KNL1: variants seen among roughly 807,000 people sequenced by gnomAD.
KNL1 encodes kinetochore scaffold 1, also known as outer kinetochore KNL1 complex subunit KNL1.
In KNL1, 66 loss-of-function variants were observed where a neutral mutation model predicts 201.3. The observed-to-expected ratio is 0.33, with a 90% confidence interval of 0.27 to 0.40. The LOEUF is 0.40. Among genes scored for constraint, KNL1 ranks in the 10% least tolerant of loss-of-function variants. The pLI, the probability that KNL1 is intolerant of heterozygous loss-of-function variation, is 1.00. For synonymous variants in KNL1, 895 were observed against 899.2 expected (o/e 1.00, Z 0.08); for missense variants, 2,815 against 2,690.5 (o/e 1.05, Z -1.02).
intron 13 of KNL1, among the ~76,000 whole-genome samples, chr15:40,631,492 A>G (rs1371025531): frequency 6.6e-6 from 1 of 151,980 alleles, no homozygotes; most frequent in Non-Finnish European, 1.5e-5. Context: ...TTTATTTTTT[A>G]TTTTTAGAGA....
chr15:40,601,313 G>A (rs1396200568), intron 1 of KNL1, among the ~76,000 whole-genome samples: 1 of 152,170 alleles, frequency 6.6e-6, no homozygotes, highest in Non-Finnish European at 1.5e-5. Flanking sequence ...TGGAAAAATA[G>A]TCTTCCCTAA....
chr15:40,624,195 T>A lies in KNL1; in HGVS notation c.3931T>A (p.Cys1311Ser). ...TTCCTGTTTACCAAATGTTATTTCC[T>A]GTACTGATAATTTGGAGGGTAGTGC... ...NYSCLPNVIS[C>S]TDNLEGSAML... The change falls in exon 10 of 26, where the codon TGT becomes AGT. Residue 1311 changes from cysteine to serine, a missense_variant. Cys to Ser is a moderately radical substitution (Grantham distance 112). This residue lies in a region of KNL1 where 2,464 missense variants were observed against 2,291.7 expected (regional missense o/e 1.08). Coordinates refer to ENST00000399668, the MANE Select transcript of KNL1 (RefSeq NM_144508.5). 1 of 1,613,966 alleles carries A rather than the reference T, an allele frequency of 6.2e-7. No homozygotes were observed. The highest frequency in any genetic ancestry group is 8.5e-7 in the Non-Finnish European group (1 of 1,179,934).
intron 1 of KNL1, among the ~76,000 whole-genome samples, chr15:40,598,972 T>G (rs963427684): frequency 2.6e-5 from 4 of 152,090 alleles, no homozygotes; most frequent in Non-Finnish European, 5.9e-5. Flanking sequence ...CCTGGTTAAT[T>G]ATTTTTATTT....
At chr15:40,626,901 T>C (rs1050299678) in intron 10 of KNL1, among the ~76,000 whole-genome samples, 1 of 151,604 alleles carries the variant, frequency 6.6e-6, no homozygotes, top group Non-Finnish European at 1.5e-5. Context: ...TTATTTATTT[T>C]TGTTTTGTTT....
rs369991551 is a variant in KNL1 at position 40,645,023 on chromosome 15, A to T, written c.5825A>T (p.Asp1942Val). 4.8e-5 allele frequency: 77 copies of T among 1,611,976 alleles called. No individual in the cohort carries two copies. Among genetic ancestry groups the T allele is most frequent in the African/African-American group, 8.0e-5 (6 of 74,898 alleles). Reference protein sequence around the residue: ...EELKLSASNQDKLLVDINKNL... With the variant: ...EELKLSASNQVKLLVDINKNL... Reference sequence around the variant, plus strand: ...TTAAAGCTTTCTGCATCGAACCAAGATAAGCTGTTGGTTGATATAAATAAG... The same window carrying T: ...TTAAAGCTTTCTGCATCGAACCAAGTTAAGCTGTTGGTTGATATAAATAAG... The change falls in exon 15 of 26, where the codon GAT becomes GTT. Residue 1942 changes from aspartate (D) to valine (V), a missense_variant. Asp to Val is a radical substitution (Grantham distance 152). Transcript: ENST00000399668.
At chr15:40,631,149 A>G (rs928443059) in intron 13 of KNL1, among the ~76,000 whole-genome samples, 3 of 150,212 alleles carry the variant, frequency 2.0e-5, no homozygotes, top group African/African-American at 7.4e-5. Context: ...ATAAAAATAA[A>G]ATAAAAACAA....
chr15:40,622,532 A>G lies in KNL1; in HGVS notation c.2268A>G (p.Ser756=), dbSNP rs202012571. The G allele has an allele frequency of 2.1e-3, 3,409 of 1,614,008 alleles. 48 individuals are homozygous for G. Among genetic ancestry groups the G allele is most frequent in the South Asian group, 0.021 (1,914 of 91,072 alleles). The change falls in exon 10 of 26, where the codon TCA becomes TCG. Residue 756 remains serine (S), a synonymous_variant. Transcript: ENST00000399668. ...DYCHDKMIIC[S]EEEQNMDLTK... is the part of the protein sequence containing the mutation. ...GCCATGACAAGATGATTATATGTTC[A>G]GAGGAAGAGCAAAATATGGATCTAA...
intron 16 of KNL1, 94 bp downstream of exon 16, chr15:40,645,866 G>A (rs1893368928): frequency 1.5e-6 from 1 of 682,488 alleles, no homozygotes; most frequent in East Asian, 3.1e-5. Flanking sequence ...TAGAAGACAT[G>A]TGAATAAGAC....
In KNL1 at chr15:40,657,342, C is replaced by G; in HGVS notation, c.6595-13C>G. 1 of 1,498,902 alleles carries G rather than the reference C, an allele frequency of 6.7e-7. No homozygotes were observed. The highest frequency in any genetic ancestry group is 1.2e-5 in the South Asian group (1 of 85,938). 92.9% of individuals were successfully genotyped at this position (1,498,902 alleles called of 1,614,324 possible). On this transcript the variant is annotated splice_polypyrimidine_tract_variant and intron_variant, in intron 23 of 25. Coordinates refer to ENST00000399668, the MANE Select transcript of KNL1 (RefSeq NM_144508.5). ...TCATAATTTCACTGGATTTTTTTTC[C>G]CACTTTTTCTAGATGCTTGAAGAAT... is the stretch of plus-strand genomic sequence containing the variant.
intron 12 of KNL1, 122 bp from the exon 13 acceptor site, chr15:40,629,151 T>TA (rs1892832510): frequency 1.8e-6 from 1 of 545,378 alleles, no homozygotes; most frequent in East Asian, 3.3e-5. Context: ...AGCCTGCAGA[T>TA]ATCTGGATAA....
chr15:40,659,455 A>G lies in KNL1; in HGVS notation c.6830A>G (p.Asn2277Ser). The change falls in exon 25 of 26, where the codon AAC (asparagine) becomes AGC (serine). Residue 2277 changes from asparagine to serine, a missense_variant. Coordinates refer to ENST00000399668, the MANE Select transcript of KNL1 (RefSeq NM_144508.5). Reference protein sequence around the residue: ...LPSTIQNHVGNTSQDDIATIL... With the variant: ...LPSTIQNHVGSTSQDDIATIL... ...TCCACCATTCAGAATCACGTTGGGAACACTAGGTGAGTAAAGGGCCAACAG... is the reference window on the plus strand; with the variant it reads ...TCCACCATTCAGAATCACGTTGGGAGCACTAGGTGAGTAAAGGGCCAACAG... The G allele has an allele frequency of 6.2e-7, 1 of 1,612,934 alleles. No individual in the cohort carries two copies. Among genetic ancestry groups the G allele is most frequent in the Non-Finnish European group, 8.5e-7 (1 of 1,179,404 alleles).
rs35448029 is a variant in KNL1, at chr15:40,635,050, A to AT, written c.5682+5695dup. On this transcript the variant is annotated intron_variant, in intron 13 of 25. Coordinates refer to ENST00000399668, the MANE Select transcript of KNL1 (RefSeq NM_144508.5). ...CGTGGCTGTGGGCATCTGTTTCAGG[A>AT]TTTTTTTTTTTTTTTTGAGATGGAG... Among the ~76,000 whole-genome samples, 406 of 142,484 alleles carry AT rather than the reference A, an allele frequency of 2.8e-3. 2 individuals carry two copies. Among genetic ancestry groups the AT allele is most frequent in the East Asian group, 7.6e-3 (37 of 4,854 alleles). 93.5% of individuals were successfully genotyped at this position (142,484 alleles called of 152,430 possible).
chr15:40,630,356 A>G (rs1336693431), intron 13 of KNL1, among the ~76,000 whole-genome samples: 2 of 152,258 alleles, frequency 1.3e-5, no homozygotes, highest in African/African-American at 2.4e-5. Context: ...TATAGAGACT[A>G]CATCATCTAA....
intron 17 of KNL1, among the ~76,000 whole-genome samples, chr15:40,649,658 G>C (rs1300841185): frequency 2.6e-5 from 4 of 151,696 alleles, no homozygotes; most frequent in African/African-American, 9.7e-5. Context: ...AGGCTGGGGT[G>C]CAGTGGCATG....
At chr15:40,597,091 A>G (rs1299037600) in intron 1 of KNL1, among the ~76,000 whole-genome samples, 1 of 152,014 alleles carries the variant, frequency 6.6e-6, no homozygotes, top group Non-Finnish European at 1.5e-5. Flanking sequence ...AACTAATGTA[A>G]TGCAAATGTA....
chr15:40,603,232 T>A (rs1426198108), intron 2 of KNL1, among the ~76,000 whole-genome samples: 1 of 152,282 alleles, frequency 6.6e-6, no homozygotes, highest in Middle Eastern at 3.4e-3. Flanking sequence ...GCTATCCCTC[T>A]CCCAGTCCCT....
In KNL1 at chr15:40,645,768, C is replaced by T. The variant is rs1893365157; in HGVS notation, c.6002C>T (p.Ala2001Val). Residue 2001 changes from alanine to valine, a missense_variant, in exon 16 of 26, where the codon GCT becomes GTT. Ala to Val is a moderately conservative substitution (Grantham distance 64). Around this residue, in one of 3 missense-constraint regions of KNL1, gnomAD observed 334 missense variants for 362.6 expected, o/e 0.92. Coordinates refer to ENST00000399668, the MANE Select transcript of KNL1 (RefSeq NM_144508.5). ...CTGTATGGCAAGCTGGTGCAGTCAG[C>T]TCAGGTAATTTGAGACAGTTAATAT... The part of the protein sequence containing the change: ...VALYGKLVQS[A>V]QNEREKLQIK... 3 of 1,549,818 alleles carry T rather than the reference C, an allele frequency of 1.9e-6. No individual in the cohort carries two copies. The East Asian group carries it at 6.9e-5, about 35-fold the overall frequency.
intron 1 of KNL1, among the ~76,000 whole-genome samples, chr15:40,602,479 C>CGTGT (rs1566998543): frequency 2.9e-5 from 3 of 104,188 alleles, no homozygotes; most frequent in Admixed American, 1.1e-4. Context: ...TTTTTTCCTT[C>CGTGT]CTTTTTTTTT....
Position 40,657,096 on chromosome 15 carries a change from T to C in KNL1, c.6539T>C (p.Val2180Ala). ...LLVHKLIFQY[V>A]EEKESWKKTC... is the part of the protein sequence containing the mutation. ...GTTCATAAGCTTATTTTCCAGTACGTTGAAGAAAAGGAATCCTGGAAGAAG... is the reference window on the plus strand; with the variant it reads ...GTTCATAAGCTTATTTTCCAGTACGCTGAAGAAAAGGAATCCTGGAAGAAG... Residue 2180 changes from valine to alanine, a missense_variant, in exon 23 of 26, where the codon GTT (valine) becomes GCT (alanine). Val to Ala is a moderately conservative substitution (Grantham distance 64). Around this residue, in one of 3 missense-constraint regions of KNL1, gnomAD observed 334 missense variants for 362.6 expected, o/e 0.92. Transcript: ENST00000399668. 1.2e-6 allele frequency: 2 copies of C among 1,610,908 alleles called. No individual in the cohort carries two copies. The highest frequency in any genetic ancestry group is 1.7e-6 in the Non-Finnish European group (2 of 1,178,344).
Sources: allele counts gnomAD v4.1 joint callset (sites outside exome capture counted in the v4.1 genomes callset), GRCh38; gene constraint gnomAD v4.1.1; regional missense constraint gnomAD v4.1.1; transcripts MANE v1.5; gene names NCBI Gene and HGNC (gene_info 2026-07-23, HGNC 2026-07-21).